Variants in SRGAP2B observed in about 807,000 individuals in gnomAD.
The protein encoded by SRGAP2B is SLIT-ROBO Rho GTPase activating protein 2B, also known as SLIT-ROBO Rho GTPase-activating protein 2B.
In SRGAP2B, 9 loss-of-function variants were observed where a neutral mutation model predicts 22.2. The ratio of observed to expected loss-of-function variants is 0.41; its 90% CI spans 0.24 to 0.71. SRGAP2B has a LOEUF of 0.71. Ranked by LOEUF, SRGAP2B falls within the 30% of genes least tolerant of loss-of-function variation. The pLI, the probability that SRGAP2B is intolerant of heterozygous loss-of-function variation, is 0.35. For missense variants in SRGAP2B, 114 were observed against 235.8 expected (o/e 0.48, Z 3.38); for synonymous variants, 36 against 87.4 (o/e 0.41, Z 3.28).
chr1:145,035,919 A>T (rs587675539), intron 2 of SRGAP2B, among the ~76,000 whole-genome samples: 1 of 145,892 alleles, frequency 6.9e-6, no homozygotes, highest in East Asian at 2.0e-4. Flanking sequence ...CAACAATTTG[A>T]CGTCATGTTT....
intron 2 of SRGAP2B, among the ~76,000 whole-genome samples, chr1:145,021,643 G>A (rs1490896433): frequency 5.0e-5 from 7 of 140,326 alleles, no homozygotes; most frequent in South Asian, 4.6e-4. Flanking sequence ...GAGAAATCTC[G>A]TCTCTACTAA....
Position 144,999,953 on chromosome 1 carries a change from A to G in SRGAP2B, c.68-4753T>C, listed in dbSNP as rs1296064923. On this transcript the variant is annotated intron_variant, in intron 2 of 9. Transcript: ENST00000612199. Reference sequence around the variant, plus strand: ...GTGAATTTTACAGTATGTGAATTATATCTCACTGAAAAAAACAGATTAAAA... The same window carrying G: ...GTGAATTTTACAGTATGTGAATTATGTCTCACTGAAAAAAACAGATTAAAA... Among the ~76,000 whole-genome samples, 13 of 150,402 alleles carry G rather than the reference A, an allele frequency of 8.6e-5. 2 individuals are homozygous for G. In the East Asian group the frequency reaches 2.5e-3, roughly 29 times the overall value.
chr1:144,915,682 C>T lies in SRGAP2B; in HGVS notation c.424-928G>A, dbSNP rs200734608. ...TGGAGGTTGCAGTGAGCCGAGATTG[C>T]GCCATTGCACTCCAGCCTGGGTGAC... On this transcript the variant is annotated intron_variant, in intron 4 of 9. Coordinates refer to ENST00000612199, the Ensembl canonical transcript of SRGAP2B. Among the ~76,000 whole-genome samples, 285 of 151,146 alleles carry T rather than the reference C, an allele frequency of 1.9e-3. 2 individuals carry two copies. In the East Asian group the frequency reaches 0.023, roughly 12 times the overall value.
At position 144,887,720 on chromosome 1, in the gene SRGAP2B, GA is replaced by G. The variant is rs1255941503; in HGVS notation, c.*4439del. The G allele has an allele frequency of 9.7e-5, 3 of 30,922 alleles. 1 individual carries two copies. Among genetic ancestry groups the G allele is most frequent in the South Asian group, 6.7e-4 (1 of 1,494 alleles). 1.9% of individuals were successfully genotyped at this position (30,922 alleles called of 1,614,324 possible). A position where few individuals can be genotyped will look rare whatever the true frequency, so the allele number is the denominator to read the frequency against. On this transcript the variant is annotated 3_prime_UTR_variant, in exon 10 of 10. Coordinates refer to ENST00000612199, the Ensembl canonical transcript of SRGAP2B. The stretch of plus-strand genomic sequence containing the variant: ...GAGGAAGAAAAGTAAAAAGGAGGAG[GA>G]GGGGGAAGGAAGAAGGAAGAAAGGT...
intron 3 of SRGAP2B, among the ~76,000 whole-genome samples, chr1:144,988,991 T>TC (rs1202767825): frequency 5.3e-5 from 5 of 94,698 alleles, no homozygotes; most frequent in African/African-American, 1.6e-4. Flanking sequence ...TCCTTTCCAC[T>TC]CCCCCCACTT....
chr1:144,951,137 C>T (rs1288773467), intron 4 of SRGAP2B, among the ~76,000 whole-genome samples: 4 of 150,976 alleles, frequency 2.6e-5, no homozygotes, highest in Non-Finnish European at 1.5e-5. Context: ...CGTGAGCCAC[C>T]GCTCCCAGCC....
intron 2 of SRGAP2B, among the ~76,000 whole-genome samples, chr1:145,031,846 C>CAA (rs1210654407): frequency 1.4e-4 from 7 of 51,670 alleles, no homozygotes; most frequent in East Asian, 5.3e-4. Context: ...GACTCCGTCT[C>CAA]AAAAAAAAAA....
intron 2 of SRGAP2B, among the ~76,000 whole-genome samples, chr1:145,006,310 A>G (rs1671586773): frequency 6.6e-6 from 1 of 150,926 alleles, no homozygotes; most frequent in African/African-American, 2.5e-5. Context: ...GTAGCTTCAC[A>G]TAGTTACATG....
chr1:145,088,528 T>C (rs1395794972), intron 2 of SRGAP2B, among the ~76,000 whole-genome samples: 2 of 140,068 alleles, frequency 1.4e-5, no homozygotes, highest in Non-Finnish European at 3.1e-5. Flanking sequence ...AGTGCCACCC[T>C]GTTTCAGACT....
intron 4 of SRGAP2B, among the ~76,000 whole-genome samples, chr1:144,943,336 G>A (rs1456371176): frequency 1.3e-5 from 2 of 150,806 alleles, no homozygotes; most frequent in Admixed American, 1.3e-4. Context: ...TACATGGCCT[G>A]GGTATTAGAT....
chr1:144,940,791 T>A (rs1423650217), intron 4 of SRGAP2B, among the ~76,000 whole-genome samples: 1 of 57,682 alleles, frequency 1.7e-5, no homozygotes, highest in Non-Finnish European at 3.4e-5. Flanking sequence ...AAAAAGAAAC[T>A]CCATCTCCAA....
At chr1:144,999,141 A>T (rs1670937319) in intron 2 of SRGAP2B, among the ~76,000 whole-genome samples, 1 of 151,040 alleles carries the variant, frequency 6.6e-6, no homozygotes, top group African/African-American at 2.5e-5. Context: ...ATGCTTCACG[A>T]TACCAACTCA....
At chr1:144,952,506 T>C (rs1476143398) in intron 4 of SRGAP2B, among the ~76,000 whole-genome samples, 1 of 150,260 alleles carries the variant, frequency 6.7e-6, no homozygotes, top group Non-Finnish European at 1.5e-5. Context: ...GAATCAATTT[T>C]TTTTTTTTTA....
chr1:145,017,430 C>T (rs1292999214), intron 2 of SRGAP2B, among the ~76,000 whole-genome samples: 1 of 146,578 alleles, frequency 6.8e-6, no homozygotes, highest in Non-Finnish European at 1.5e-5. Flanking sequence ...AACCTGATTC[C>T]CTTGGAAATT....
rs1302957462 is a variant in SRGAP2B, at chr1:144,906,088, C to A, written c.487-14G>T. ...TGTCTTCATGACCTGCAAGACATCGCCCACCCCCACCCCCAGAGGTCAAGC... is the reference window on the plus strand; with the variant it reads ...TGTCTTCATGACCTGCAAGACATCGACCACCCCCACCCCCAGAGGTCAAGC... On this transcript the variant is annotated splice_polypyrimidine_tract_variant and intron_variant, in intron 5 of 9. Coordinates refer to ENST00000612199, the Ensembl canonical transcript of SRGAP2B. 1 of 708,458 alleles carries A rather than the reference C, an allele frequency of 1.4e-6. No homozygotes were observed. The highest frequency in any genetic ancestry group is 2.0e-5 in the African/African-American group (1 of 51,184). The allele number at this position is 708,458 out of a possible 1,614,324, so 43.9% of individuals were successfully genotyped here.
chr1:145,044,689 A>C (rs1649564727), intron 2 of SRGAP2B, among the ~76,000 whole-genome samples: 51 of 137,634 alleles, frequency 3.7e-4, no homozygotes, highest in African/African-American at 1.2e-3. Flanking sequence ...AAAAAAAAAA[A>C]AAAAAAAAAA....
intron 3 of SRGAP2B, among the ~76,000 whole-genome samples, chr1:144,966,607 C>T (rs1277880892): frequency 2.0e-5 from 3 of 146,500 alleles, no homozygotes; most frequent in South Asian, 4.2e-4. Flanking sequence ...AGCCAGCTAA[C>T]ATCATAATGA....
At chr1:145,061,601 C>T (rs1650916878) in intron 2 of SRGAP2B, among the ~76,000 whole-genome samples, 1 of 150,186 alleles carries the variant, frequency 6.7e-6, no homozygotes, top group Admixed American at 6.6e-5. Context: ...TTTTTTCCCC[C>T]CTCTGAGACA....
At chr1:144,905,453 T>C (rs1662918232) in intron 6 of SRGAP2B, among the ~76,000 whole-genome samples, 3 of 149,924 alleles carry the variant, frequency 2.0e-5, no homozygotes, top group African/African-American at 5.0e-5. Context: ...TTTGATTCTA[T>C]CTTCAAATAT....
Sources: allele counts gnomAD v4.1 joint callset (sites outside exome capture counted in the v4.1 genomes callset), GRCh38; gene constraint gnomAD v4.1.1; transcripts MANE v1.5; gene names NCBI Gene and HGNC (gene_info 2026-07-23, HGNC 2026-07-21).